GSE1: variants seen among roughly 807,000 people sequenced by gnomAD.
GSE1 encodes the protein genetic suppressor element 1.
GSE1 carries 32 observed loss-of-function variants against 112.6 expected under a neutral mutation model. The observed-to-expected ratio is 0.28, with a 90% CI of 0.21 to 0.38. GSE1 has a LOEUF of 0.38. GSE1 is among the 10% of genes least tolerant of loss of function. GSE1 has a pLI of 1.00. For synonymous variants in GSE1, 1,115 were observed against 735.6 expected (o/e 1.52, Z -8.35); for missense variants, 2,348 against 1,699.2 (o/e 1.38, Z -6.71).
In GSE1 at chr16:85,667,735, T is replaced by A. The variant is rs573187803; in HGVS notation, c.3131-405T>A. 3.9e-5 allele frequency among the ~76,000 whole-genome samples: 6 copies of A among 152,316 alleles called. No individual in the cohort carries two copies. The South Asian group carries it at 1.2e-3, about 32-fold the overall frequency. On this transcript the variant is annotated intron_variant, in intron 13 of 15. Coordinates refer to ENST00000253458, the MANE Select transcript of GSE1 (RefSeq NM_014615.5). ...TTAGCTGGGCATGGTGGCACATGCGTGTAATTCCAGCCACTCCGGAGGCTG... is the reference window on the plus strand; with the variant it reads ...TTAGCTGGGCATGGTGGCACATGCGAGTAATTCCAGCCACTCCGGAGGCTG...
intron 2 of GSE1, among the ~76,000 whole-genome samples, chr16:85,492,481 C>T (rs1199711301): frequency 2.0e-5 from 3 of 152,312 alleles, no homozygotes; most frequent in Admixed American, 6.5e-5. Flanking sequence ...GAAATACCAG[C>T]CCCTGTTCTG....
intron 2 of GSE1, among the ~76,000 whole-genome samples, chr16:85,525,221 C>T (rs903775752): frequency 6.6e-6 from 1 of 151,824 alleles, no homozygotes; most frequent in Non-Finnish European, 1.5e-5. Context: ...TGCCCCTCTG[C>T]CTGCAGCTGG....
chr16:85,180,866 G>A (rs2074568990), intron 1 of GSE1, among the ~76,000 whole-genome samples: 1 of 152,226 alleles, frequency 6.6e-6, no homozygotes, highest in South Asian at 2.1e-4. Context: ...ATGTAGAAAA[G>A]CTTCCTCTTC....
intron 1 of GSE1, among the ~76,000 whole-genome samples, chr16:85,614,485 C>T (rs947941870): frequency 3.9e-5 from 6 of 152,072 alleles, no homozygotes; most frequent in African/African-American, 9.7e-5. Flanking sequence ...GGTGGAGACT[C>T]GAGGCGCAGG....
At chr16:85,598,773 C>A (rs2047342664) in intron 1 of GSE1, among the ~76,000 whole-genome samples, 1 of 152,346 alleles carries the variant, frequency 6.6e-6, no homozygotes, top group East Asian at 1.9e-4. Context: ...GTCACCTCTT[C>A]CAAAAGTTCT....
intron 1 of GSE1, among the ~76,000 whole-genome samples, chr16:85,182,625 T>C (rs2143322511): frequency 1.3e-5 from 2 of 152,308 alleles, no homozygotes; most frequent in East Asian, 3.9e-4. Flanking sequence ...GGGAGAAACC[T>C]GGAGCACGCT....
chr16:85,210,364 G>A (rs2075203798), intron 1 of GSE1, among the ~76,000 whole-genome samples: 1 of 152,224 alleles, frequency 6.6e-6, no homozygotes, highest in Non-Finnish European at 1.5e-5. Flanking sequence ...AGCACTTCAG[G>A]AGGCTGAGGC....
At chr16:85,553,755 G>A (rs1598157566), upstream of GSE1, among the ~76,000 whole-genome samples, 1 of 152,176 alleles carries the variant, frequency 6.6e-6, no homozygotes, top group Non-Finnish European at 1.5e-5. Flanking sequence ...CAAGTGGCTT[G>A]GAGAGGTCAA....
At chr16:85,175,803 A>C (rs2074451295) in intron 1 of GSE1, among the ~76,000 whole-genome samples, 1 of 152,146 alleles carries the variant, frequency 6.6e-6, no homozygotes, top group African/African-American at 2.4e-5. Context: ...ACACATACTG[A>C]AGCCTCGCCG....
intron 1 of GSE1, among the ~76,000 whole-genome samples, chr16:85,245,878 C>T (rs1453344581): frequency 1.3e-5 from 2 of 150,630 alleles, no homozygotes; most frequent in Admixed American, 6.6e-5. Flanking sequence ...CCTGCGTGTG[C>T]GTGTGTGTGT....
At chr16:85,418,506 T>C (rs1049778648) in intron 2 of GSE1, among the ~76,000 whole-genome samples, 9 of 152,212 alleles carry the variant, frequency 5.9e-5, no homozygotes, top group African/African-American at 2.4e-5. Context: ...AAGCCCTCTC[T>C]GACTGCTGTA....
chr16:85,639,075 C>G (rs1348387733), intron 2 of GSE1, among the ~76,000 whole-genome samples: 6 of 152,324 alleles, frequency 3.9e-5, no homozygotes, highest in Non-Finnish European at 7.4e-5. Context: ...ACCCCCAGCC[C>G]CTTCCCAGCG....
intron 2 of GSE1, among the ~76,000 whole-genome samples, chr16:85,483,514 C>T (rs1042184931): frequency 2.0e-5 from 3 of 152,258 alleles, no homozygotes; most frequent in African/African-American, 7.2e-5. Context: ...ACAGCAAGTG[C>T]TCCATGAAGC....
intron 2 of GSE1, among the ~76,000 whole-genome samples, chr16:85,450,889 TC>T (rs964118820): frequency 6.6e-6 from 1 of 151,812 alleles, no homozygotes; most frequent in Non-Finnish European, 1.5e-5. Flanking sequence ...GGTGAAACCA[TC>T]CCCCTGCCCC....
intron 1 of GSE1, among the ~76,000 whole-genome samples, chr16:85,248,913 G>A (rs1397994291): frequency 6.6e-6 from 1 of 152,152 alleles, no homozygotes; most frequent in Non-Finnish European, 1.5e-5. Context: ...TGGAGTTAGT[G>A]CTCAACTGGC....
chr16:85,548,012 G>A (rs1443603895), intron 2 of GSE1, among the ~76,000 whole-genome samples: 1 of 151,618 alleles, frequency 6.6e-6, no homozygotes, highest in East Asian at 1.9e-4. Context: ...CGGATCACGA[G>A]GTCAGGATAT....
intron 1 of GSE1, among the ~76,000 whole-genome samples, chr16:85,310,244 C>T (rs928348642): frequency 4.6e-5 from 7 of 152,170 alleles, no homozygotes; most frequent in African/African-American, 7.2e-5. Flanking sequence ...GTGCGTGAGG[C>T]GTGTAACTGC....
At chr16:85,322,612 TG>T (rs1215936107) in intron 1 of GSE1, among the ~76,000 whole-genome samples, 1 of 137,296 alleles carries the variant, frequency 7.3e-6, no homozygotes, top group East Asian at 2.0e-4. Context: ...ATCTCCATTT[TG>T]CTTTTTTTTT....
chr16:85,359,770 C>T (rs142949063), intron 2 of GSE1, among the ~76,000 whole-genome samples: 84 of 152,182 alleles, frequency 5.5e-4, no homozygotes, highest in East Asian at 1.2e-3. Flanking sequence ...GCTCCCGCGC[C>T]GAACTCACCC....
Sources: gnomAD v4.1 joint callset for allele counts (sites outside exome capture counted in the v4.1 genomes callset) on GRCh38, gnomAD v4.1.1 for gene constraint, MANE v1.5 for transcripts, NCBI Gene and HGNC (gene_info 2026-07-23, HGNC 2026-07-21) for gene names.